LHX5: variants seen among roughly 807,000 people sequenced by gnomAD.
LHX5 encodes the protein LIM homeobox 5.
Under a neutral mutation model 30.6 loss-of-function variants are expected in LHX5, and 5 were observed. The observed-to-expected ratio is 0.16, with a 90% CI of 0.09 to 0.34. The LOEUF (loss-of-function observed/expected upper bound fraction) is 0.34, where lower values mean the gene tolerates loss of function less well. LHX5 is among the 10% of genes least tolerant of loss of function. LHX5 has a pLI of 1.00. For synonymous variants in LHX5, 266 were observed against 252.6 expected (o/e 1.05, Z -0.50); for missense variants, 458 against 570.6 (o/e 0.80, Z 2.01).
rs1479659964 is a variant in LHX5, at chr12:113,464,099, G to A, written c.842-542C>T. ...AAAGCCCGAGACATCGGAGGGTCGC[G>A]GAGGAGTCGAGGAGACGCAGAGAGA... is the stretch of plus-strand genomic sequence containing the variant. On this transcript the variant is annotated intron_variant, in intron 4 of 4. Transcript: ENST00000261731. This position sits in a 1 kb window ranked among gnomAD's most constrained non-coding sequence, Gnocchi z 6.2. Among the ~76,000 whole-genome samples, 1 of 152,178 alleles carries A rather than the reference G, an allele frequency of 6.6e-6. No individual in the cohort carries two copies. The highest frequency in any genetic ancestry group is 1.5e-5 in the Non-Finnish European group (1 of 68,022).
chr12:113,468,071 G>T, intron 3 of LHX5, 56 bp downstream of exon 3: 1 of 1,459,120 alleles, frequency 6.9e-7, no homozygotes, highest in Non-Finnish European at 9.0e-7. Flanking sequence ...ACTCCTCCGA[G>T]GCTCCCGGCT....
intron 3 of LHX5, 110 bp downstream of exon 3, chr12:113,468,017 G>T (rs894832527): frequency 1.1e-5 from 15 of 1,407,808 alleles, no homozygotes; most frequent in Non-Finnish European, 1.4e-5. Context: ...TCTGCTCCCA[G>T]ACCAGAACCA....
Position 113,463,119 on chromosome 12 carries a change from C to G in LHX5, c.*71G>C. 1 of 1,303,638 alleles carries G rather than the reference C, an allele frequency of 7.7e-7. No individual in the cohort carries two copies. Among genetic ancestry groups the G allele is most frequent in the Admixed American group, 3.0e-5 (1 of 33,802 alleles). 80.8% of individuals were successfully genotyped at this position (1,303,638 alleles called of 1,614,324 possible). A position where few individuals can be genotyped will look rare whatever the true frequency, so the allele number is the denominator to read the frequency against. On this transcript the variant is annotated 3_prime_UTR_variant, in exon 5 of 5. Coordinates refer to ENST00000261731, the MANE Select transcript of LHX5 (RefSeq NM_022363.3). The surrounding 1 kb of genome is among the most constrained non-coding windows in gnomAD (Gnocchi z 6.7). The stretch of plus-strand genomic sequence containing the variant: ...CGTCTCCCACCGCGTCTGCGTCGGG[C>G]GTTTTGGTTTCAGGAGGCTGCTTCG...
In LHX5 at chr12:113,471,573, C is replaced by G; in HGVS notation, c.-75G>C. The stretch of plus-strand genomic sequence containing the variant: ...TGGCCCTCGGGCCTGCCGGGCCCTC[C>G]GCTGCCCTTCGCCTCTTGTCTCAGC... On this transcript the variant is annotated 5_prime_UTR_variant, in exon 1 of 5. Coordinates refer to ENST00000261731, the MANE Select transcript of LHX5 (RefSeq NM_022363.3). 1 of 1,364,020 alleles carries G rather than the reference C, an allele frequency of 7.3e-7. No homozygotes were observed. Among genetic ancestry groups the G allele is most frequent in the Non-Finnish European group, 1.0e-6 (1 of 1,002,288 alleles). 84.5% of individuals were successfully genotyped at this position (1,364,020 alleles called of 1,614,324 possible). A position where few individuals can be genotyped will look rare whatever the true frequency, so the allele number is the denominator to read the frequency against.
Position 113,463,624 on chromosome 12 carries a change from G to A in LHX5, c.842-67C>T. Reference sequence around the variant, plus strand: ...AAGGCGAAGTAGGCGGGGGACCCGGGACCCGGGGAGGGGACCCGGGCGGGC... The same window carrying A: ...AAGGCGAAGTAGGCGGGGGACCCGGAACCCGGGGAGGGGACCCGGGCGGGC... On this transcript the variant is annotated intron_variant, in intron 4 of 4. Transcript: ENST00000261731. This position sits in a 1 kb window ranked among gnomAD's most constrained non-coding sequence, Gnocchi z 6.7. 1 of 1,445,904 alleles carries A rather than the reference G, an allele frequency of 6.9e-7. No individual in the cohort carries two copies. The highest frequency in any genetic ancestry group is 9.1e-7 in the Non-Finnish European group (1 of 1,100,038). 89.6% of individuals were successfully genotyped at this position (1,445,904 alleles called of 1,614,324 possible). A position where few individuals can be genotyped will look rare whatever the true frequency, so the allele number is the denominator to read the frequency against.
In LHX5 at chr12:113,467,440, C is replaced by A. The variant is rs1010381745; in HGVS notation, c.676-19G>T. On this transcript the variant is annotated intron_variant, in intron 3 of 4. Transcript: ENST00000261731. This position sits in a 1 kb window ranked among gnomAD's most constrained non-coding sequence, Gnocchi z 6.3. Reference sequence around the variant, plus strand: ...ACCACACCTGGGACAGAGGAGGGGGCTGTGAACCCAGGATCAGGAGTGTCC... The same window carrying A: ...ACCACACCTGGGACAGAGGAGGGGGATGTGAACCCAGGATCAGGAGTGTCC... The A allele has an allele frequency of 8.7e-6, 13 of 1,497,366 alleles. No individual in the cohort carries two copies. The Middle Eastern group carries it at 5.4e-4, about 62-fold the overall frequency. 92.8% of individuals were successfully genotyped at this position (1,497,366 alleles called of 1,614,324 possible).
In LHX5 at chr12:113,463,848, G is replaced by A. The variant is rs1396004951; in HGVS notation, c.842-291C>T. On this transcript the variant is annotated intron_variant, in intron 4 of 4. Transcript: ENST00000261731. The surrounding 1 kb of genome is among the most constrained non-coding windows in gnomAD (Gnocchi z 6.7). ...GACTCCGAGACCGTGGGGGACACACGCGGCAAAAACTCGGAGACTTCAGTC... is the reference window on the plus strand; with the variant it reads ...GACTCCGAGACCGTGGGGGACACACACGGCAAAAACTCGGAGACTTCAGTC... Among the ~76,000 whole-genome samples, 1 of 151,208 alleles carries A rather than the reference G, an allele frequency of 6.6e-6. No individual in the cohort carries two copies. The highest frequency in any genetic ancestry group is 2.4e-5 in the African/African-American group (1 of 41,006).
intron 2 of LHX5, 101 bp from the exon 3 acceptor site, chr12:113,468,505 C>G (rs1958228265): frequency 7.2e-7 from 1 of 1,393,540 alleles, no homozygotes; most frequent in African/African-American, 1.4e-5. Flanking sequence ...TACGGCCTGC[C>G]CAGGCTACGG....
chr12:113,464,231 G>T lies in LHX5; in HGVS notation c.842-674C>A, dbSNP rs1201939103. The stretch of plus-strand genomic sequence containing the variant: ...AGAGAAGTCGATGCGCCCAGAGAAC[G>T]CAAGACGGTGGATCAGAGATGAGTC... On this transcript the variant is annotated intron_variant, in intron 4 of 4. Transcript: ENST00000261731. This position sits in a 1 kb window ranked among gnomAD's most constrained non-coding sequence, Gnocchi z 6.2. 1.3e-5 allele frequency among the ~76,000 whole-genome samples: 2 copies of T among 152,216 alleles called. No individual in the cohort carries two copies. The highest frequency in any genetic ancestry group is 2.9e-5 in the Non-Finnish European group (2 of 68,024).
chr12:113,471,499 A>G lies in LHX5; in HGVS notation c.-1T>C, dbSNP rs369375356. 1.2e-5 allele frequency: 19 copies of G among 1,592,534 alleles called. No homozygotes were observed. In the East Asian group the frequency reaches 3.0e-4, roughly 25 times the overall value. The stretch of plus-strand genomic sequence containing the variant: ...CGCAACCGGCGCAGTGCACCATCAT[A>G]GCCCCGCGCCCCGGCGGCTTCGGCC... On this transcript the variant is annotated 5_prime_UTR_variant, in exon 1 of 5. Transcript: ENST00000261731.
At chr12:113,470,604 T>C (rs4767076) in intron 1 of LHX5, among the ~76,000 whole-genome samples, 17,887 of 152,156 alleles carry the variant, frequency 0.12, 1,184 homozygotes, top group African/African-American at 0.17. Context: ...AGGAAACAGG[T>C]AGGGCTCAGC....
chr12:113,471,296 C>A (rs956617468), intron 1 of LHX5, 30 bp downstream of exon 1: 5 of 1,609,780 alleles, frequency 3.1e-6, no homozygotes, highest in Non-Finnish European at 4.2e-6. Flanking sequence ...AGGGTGGGCG[C>A]GCAGGCAGCA....
Position 113,462,897 on chromosome 12 carries a change from G to C in LHX5, c.*293C>G, listed in dbSNP as rs975906078. 2.7e-5 allele frequency: 8 copies of C among 296,568 alleles called. No homozygotes were observed. The highest frequency in any genetic ancestry group is 5.0e-5 in the Non-Finnish European group (8 of 159,458). 18.4% of individuals were successfully genotyped at this position (296,568 alleles called of 1,614,324 possible). ...CCCGGGGAAAGTCTAGAGCGTGCTCGAAATCTCTTGACCCTCCGGAGTATT... is the reference window on the plus strand; with the variant it reads ...CCCGGGGAAAGTCTAGAGCGTGCTCCAAATCTCTTGACCCTCCGGAGTATT... On this transcript the variant is annotated 3_prime_UTR_variant, in exon 5 of 5. Coordinates refer to ENST00000261731, the MANE Select transcript of LHX5 (RefSeq NM_022363.3).
chr12:113,471,794 G>A lies in LHX5; in HGVS notation c.-296C>T, dbSNP rs1958254881. The A allele has an allele frequency of 1.3e-5, 5 of 395,794 alleles. No individual in the cohort carries two copies. The South Asian group carries it at 2.8e-4, about 23-fold the overall frequency. The allele number at this position is 395,794 out of a possible 1,614,324, so 24.5% of individuals were successfully genotyped here. A position where few individuals can be genotyped will look rare whatever the true frequency, so the allele number is the denominator to read the frequency against. The stretch of plus-strand genomic sequence containing the variant: ...TCGGGTGGCTGCTGGCCTCGGCGCT[G>A]CGGAGCGGCTTTCCCCGGTGGCGGA... On this transcript the variant is annotated 5_prime_UTR_variant, in exon 1 of 5. Transcript: ENST00000261731.
At position 113,463,263 on chromosome 12, in the gene LHX5, A is replaced by T; in HGVS notation, c.1136T>A (p.Met379Lys). 1 of 1,525,042 alleles carries T rather than the reference A, an allele frequency of 6.6e-7. No individual in the cohort carries two copies. The highest frequency in any genetic ancestry group is 8.8e-7 in the Non-Finnish European group (1 of 1,140,580). The allele number at this position is 1,525,042 out of a possible 1,614,324, so 94.5% of individuals were successfully genotyped here. A position where few individuals can be genotyped will look rare whatever the true frequency, so the allele number is the denominator to read the frequency against. Residue 379 changes from methionine (M) to lysine (K), a missense_variant, in exon 5 of 5, where the codon ATG (methionine) becomes AAG (lysine). By Grantham distance (95) the Met-to-Lys change is moderately conservative. Around this residue, in one of 3 missense-constraint regions of LHX5, gnomAD observed 255 missense variants for 246.8 expected, o/e 1.03. Coordinates refer to ENST00000261731, the MANE Select transcript of LHX5 (RefSeq NM_022363.3). This position sits in a 1 kb window ranked among gnomAD's most constrained non-coding sequence, Gnocchi z 6.7. ...TCCGCTGTAGCCGCTGGTGCCGCTC[A>T]TTGGGAAGGGCGGGCTGGGCCCGCC... ...FSGGPSPPFPMSGTSGYSGPL... is the reference protein window; with the variant it reads ...FSGGPSPPFPKSGTSGYSGPL...
chr12:113,471,289 G>T, intron 1 of LHX5, 37 bp downstream of exon 1: 2 of 1,605,292 alleles, frequency 1.2e-6, no homozygotes, highest in Non-Finnish European at 8.5e-7. Context: ...CGCGCGCAGG[G>T]TGGGCGCGCA....
rs938308339 is a variant in LHX5 at position 113,466,656 on chromosome 12, C to T, written c.841+600G>A. Among the ~76,000 whole-genome samples the T allele has an allele frequency of 1.3e-5, 2 of 152,218 alleles. No individual in the cohort carries two copies. The highest frequency in any genetic ancestry group is 2.4e-5 in the African/African-American group (1 of 41,460). ...TGCCAGATGCTGTGCGCACACACCC[C>T]GCCACATGGAACAGGAGTTGCTGCC... On this transcript the variant is annotated intron_variant, in intron 4 of 4. Coordinates refer to ENST00000261731, the MANE Select transcript of LHX5 (RefSeq NM_022363.3). The surrounding 1 kb of genome is among the most constrained non-coding windows in gnomAD (Gnocchi z 6.5).
At chr12:113,470,601 A>C (rs954449759) in intron 1 of LHX5, among the ~76,000 whole-genome samples, 7 of 152,168 alleles carry the variant, frequency 4.6e-5, no homozygotes, top group African/African-American at 1.2e-4. Context: ...CAGAGGAAAC[A>C]GGTAGGGCTC....
Position 113,471,388 on chromosome 12 carries a change from G to A in LHX5, c.111C>T (p.Thr37=), listed in dbSNP as rs1958249930. The change falls in exon 1 of 5, where the codon ACC becomes ACT. Residue 37 remains threonine, a synonymous_variant. Transcript: ENST00000261731. ...IKCVQCCECK[T]NLSEKCFSRE... is the part of the protein sequence containing the mutation. ...GCGAGAAGCACTTCTCCGAGAGGTTGGTTTTGCACTCGCAGCACTGAACAC... is the reference window on the plus strand; with the variant it reads ...GCGAGAAGCACTTCTCCGAGAGGTTAGTTTTGCACTCGCAGCACTGAACAC... 3 of 1,614,036 alleles carry A rather than the reference G, an allele frequency of 1.9e-6. No homozygotes were observed. The African/African-American group carries it at 4.0e-5, about 22-fold the overall frequency.
Sources: allele counts gnomAD v4.1 joint callset (sites outside exome capture counted in the v4.1 genomes callset), GRCh38; gene constraint gnomAD v4.1.1; regional missense constraint gnomAD v4.1.1; non-coding constraint Gnocchi (gnomAD v3.1); transcripts MANE v1.5; gene names NCBI Gene and HGNC (gene_info 2026-07-23, HGNC 2026-07-21).